The following MACROD2 variants were observed in gnomAD, a reference collection of about 807,000 sequenced individuals.
The protein encoded by MACROD2 is ADP-ribose glycohydrolase MACROD2.
A neutral mutation model predicts 70.4 loss-of-function variants in MACROD2; 36 were observed. The ratio of observed to expected loss-of-function variants is 0.51; its 90% CI spans 0.39 to 0.68. MACROD2 has a LOEUF of 0.68. Among genes scored for constraint, MACROD2 ranks in the 30% least tolerant of loss-of-function variants. MACROD2 has a pLI of 0.00. For synonymous variants in MACROD2, 172 were observed against 178.8 expected (o/e 0.96, Z 0.30); for missense variants, 496 against 538.4 (o/e 0.92, Z 0.78).
chr20:14,259,975 G>A (rs1461865171), intron 3 of MACROD2, among the ~76,000 whole-genome samples: 1 of 152,166 alleles, frequency 6.6e-6, no homozygotes, highest in Non-Finnish European at 1.5e-5. Context: ...AAAAGTGGTT[G>A]GGGACAAGTG....
At chr20:15,673,795 A>AAAAAAG (rs1555858587) in intron 8 of MACROD2, among the ~76,000 whole-genome samples, 1 of 150,758 alleles carries the variant, frequency 6.6e-6, no homozygotes. Context: ...AAAAAAAAAA[A>AAAAAAG]CAGCCCTGAT....
chr20:14,238,375 A>C (rs1311941586), intron 3 of MACROD2, among the ~76,000 whole-genome samples: 1 of 152,224 alleles, frequency 6.6e-6, no homozygotes, highest in East Asian at 1.9e-4. Flanking sequence ...GGTTAGAAAT[A>C]CTCAACACAC....
intron 5 of MACROD2, among the ~76,000 whole-genome samples, chr20:14,877,677 C>T (rs1384036624): frequency 6.6e-6 from 1 of 151,632 alleles, no homozygotes; most frequent in African/African-American, 2.4e-5. Context: ...TTTGTTTTAT[C>T]GTGAAGGGAT....
intron 4 of MACROD2, among the ~76,000 whole-genome samples, chr20:14,542,904 A>AACTAAATG: frequency 6.6e-6 from 1 of 152,090 alleles, no homozygotes; most frequent in Non-Finnish European, 1.5e-5. Flanking sequence ...TTTTTTTCTA[A>AACTAAATG]ACTAAATGTA....
At chr20:15,986,838 G>A (rs762959505) in intron 14 of MACROD2, 37 bp downstream of exon 14, 1 of 1,503,842 alleles carries the variant, frequency 6.6e-7, no homozygotes, top group South Asian at 1.1e-5. Context: ...CAGAGAATGA[G>A]ATGAAACTGT....
At chr20:15,378,868 G>A (rs912052831) in intron 6 of MACROD2, among the ~76,000 whole-genome samples, 2 of 152,142 alleles carry the variant, frequency 1.3e-5, no homozygotes, top group Non-Finnish European at 2.9e-5. Context: ...AGAGAATTCA[G>A]TGCAACGCAT....
intron 8 of MACROD2, among the ~76,000 whole-genome samples, chr20:15,588,511 G>C (rs1389730264): frequency 6.6e-6 from 1 of 152,122 alleles, no homozygotes; most frequent in African/African-American, 2.4e-5. Context: ...CATATCATCA[G>C]GCTGCAAATT....
intron 7 of MACROD2, among the ~76,000 whole-genome samples, chr20:15,497,771 C>G (rs1014296398): frequency 1.3e-5 from 2 of 152,166 alleles, no homozygotes; most frequent in Admixed American, 6.5e-5. Flanking sequence ...CTGCAAGCCT[C>G]ACACTTCTTT....
At chr20:15,517,002 G>A (rs544624808) in intron 8 of MACROD2, among the ~76,000 whole-genome samples, 2 of 152,254 alleles carry the variant, frequency 1.3e-5, no homozygotes, top group East Asian at 1.9e-4. Context: ...AGTATGCAAC[G>A]TAACCACATA....
At chr20:14,067,783 G>C (rs2053784730) in intron 2 of MACROD2, among the ~76,000 whole-genome samples, 1 of 152,070 alleles carries the variant, frequency 6.6e-6, no homozygotes. Context: ...AGAACTTCTG[G>C]ATCTATTTTT....
chr20:14,336,090 G>A (rs977312695), intron 3 of MACROD2, among the ~76,000 whole-genome samples: 8 of 152,078 alleles, frequency 5.3e-5, no homozygotes, highest in African/African-American at 1.4e-4. Flanking sequence ...CTGAATATAA[G>A]CAAATTTATT....
At chr20:16,029,369 C>T (rs1177746777) in intron 15 of MACROD2, among the ~76,000 whole-genome samples, 2 of 152,156 alleles carry the variant, frequency 1.3e-5, no homozygotes, top group Admixed American at 1.3e-4. Context: ...ACACCCACAA[C>T]GAATACCTAG....
intron 6 of MACROD2, among the ~76,000 whole-genome samples, chr20:15,261,169 C>T (rs1173837478): frequency 1.3e-5 from 2 of 151,856 alleles, no homozygotes; most frequent in East Asian, 3.9e-4. Flanking sequence ...TTATTTTAGC[C>T]ATTTTTTTTC....
intron 3 of MACROD2, among the ~76,000 whole-genome samples, chr20:14,442,576 G>T (rs1216177062): frequency 6.6e-6 from 1 of 151,920 alleles, no homozygotes; most frequent in Non-Finnish European, 1.5e-5. Context: ...TTAAACTAAA[G>T]TCTTTCATGA....
chr20:15,768,401 A>G (rs533231439), intron 8 of MACROD2, among the ~76,000 whole-genome samples: 2 of 152,210 alleles, frequency 1.3e-5, no homozygotes, highest in African/African-American at 2.4e-5. Context: ...ATAGCTCAAC[A>G]TAGAAAAGAT....
intron 3 of MACROD2, among the ~76,000 whole-genome samples, chr20:14,446,822 A>C (rs552872870): frequency 6.6e-6 from 1 of 152,128 alleles, no homozygotes; most frequent in South Asian, 2.1e-4. Flanking sequence ...CAAAAAAGGC[A>C]AAGAAAATAG....
In MACROD2 at chr20:14,578,169, T is replaced by G. The variant is rs1167209141; in HGVS notation, c.301+84661T>G. 2.0e-5 allele frequency among the ~76,000 whole-genome samples: 3 copies of G among 151,056 alleles called. No individual in the cohort carries two copies. In the East Asian group the frequency reaches 5.8e-4, roughly 29 times the overall value. ...AAATATATATAATATATATTATATT[T>G]TATATTACACATATATCAATGGCAG... On this transcript the variant is annotated intron_variant, in intron 4 of 17. Transcript: ENST00000684519.
Position 14,673,959 on chromosome 20 carries a change from A to C in MACROD2, c.302-10884A>C, listed in dbSNP as rs549102061. On this transcript the variant is annotated intron_variant, in intron 4 of 17. Transcript: ENST00000684519. ...AAAAAAGGAAAAGGTAATAAAGCTC[A>C]AGACCACCTTGCAAAATATTTTGCA... Among the ~76,000 whole-genome samples the C allele has an allele frequency of 2.0e-5, 3 of 152,010 alleles. No homozygotes were observed. The South Asian group carries it at 6.2e-4, about 32-fold the overall frequency.
At chr20:14,085,530 A>G (rs930732911) in intron 2 of MACROD2, 91 bp from the exon 3 acceptor site, 3 of 618,106 alleles carry the variant, frequency 4.9e-6, no homozygotes, top group African/African-American at 1.9e-5. Flanking sequence ...CATGACACAT[A>G]TTGGGTCTTG....
Sources: gnomAD v4.1 joint callset for allele counts (sites outside exome capture counted in the v4.1 genomes callset) on GRCh38, gnomAD v4.1.1 for gene constraint, MANE v1.5 for transcripts, NCBI Gene and HGNC (gene_info 2026-07-23, HGNC 2026-07-21) for gene names.